OPCML: variants seen among roughly 807,000 people sequenced by gnomAD.
OPCML encodes the protein opioid-binding protein/cell adhesion molecule.
Under a neutral mutation model 37.8 loss-of-function variants are expected in OPCML, and 13 were observed. The observed-to-expected ratio is 0.34, with a 90% CI of 0.22 to 0.55. The LOEUF (loss-of-function observed/expected upper bound fraction) is 0.55. Among genes scored for constraint, OPCML ranks in the 20% least tolerant of loss-of-function variants. OPCML has a pLI of 0.91. For synonymous variants in OPCML, 176 were observed against 168.8 expected, an observed-to-expected ratio of 1.04 and a Z score of -0.33; for missense variants, 341 against 435.6, an observed-to-expected ratio of 0.78 and a Z score of 1.93.
At chr11:133,343,744 C>A (rs995708130) in intron 1 of OPCML, among the ~76,000 whole-genome samples, 5 of 152,194 alleles carry the variant, frequency 3.3e-5, no homozygotes, top group African/African-American at 1.2e-4. Context: ...AATTCAATCA[C>A]TTTACAAATG....
At chr11:133,197,626 A>C (rs1353015694) in intron 1 of OPCML, among the ~76,000 whole-genome samples, 1 of 152,090 alleles carries the variant, frequency 6.6e-6, no homozygotes, top group Non-Finnish European at 1.5e-5. Flanking sequence ...TGGTCATGGA[A>C]CTCTTCTCTC....
At chr11:133,013,260 T>C (rs1947256285) in intron 1 of OPCML, among the ~76,000 whole-genome samples, 1 of 152,234 alleles carries the variant, frequency 6.6e-6, no homozygotes, top group South Asian at 2.1e-4. Context: ...TTTTCTTTTT[T>C]TAACCTATGT....
intron 2 of OPCML, among the ~76,000 whole-genome samples, chr11:132,705,118 A>G (rs1943978844): frequency 6.6e-6 from 1 of 152,170 alleles, no homozygotes; most frequent in Non-Finnish European, 1.5e-5. Flanking sequence ...GGGGTGATAT[A>G]GTTTGGATAT....
chr11:133,406,129 A>G (rs1476937525), intron 1 of OPCML, among the ~76,000 whole-genome samples: 1 of 152,084 alleles, frequency 6.6e-6, no homozygotes. Flanking sequence ...TATTATTATG[A>G]TTATTGTTAT....
chr11:133,202,925 C>T (rs1010099336), intron 1 of OPCML, among the ~76,000 whole-genome samples: 1 of 152,184 alleles, frequency 6.6e-6, no homozygotes, highest in African/African-American at 2.4e-5. Context: ...TGATCCTGAC[C>T]CATAATTAAA....
chr11:132,722,002 C>T (rs1471155844), intron 2 of OPCML, among the ~76,000 whole-genome samples: 3 of 118,992 alleles, frequency 2.5e-5, no homozygotes, highest in Non-Finnish European at 4.8e-5. Context: ...GTTGCCCAGG[C>T]TGGAGTGCAG....
chr11:132,635,052 A>G (rs1409737199), intron 3 of OPCML, among the ~76,000 whole-genome samples: 1 of 152,182 alleles, frequency 6.6e-6, no homozygotes, highest in African/African-American at 2.4e-5. Flanking sequence ...TGGAAATCCA[A>G]TATCATTTTT....
At chr11:132,460,022 G>A (rs2096095697) in intron 4 of OPCML, among the ~76,000 whole-genome samples, 1 of 152,128 alleles carries the variant, frequency 6.6e-6, no homozygotes, top group Non-Finnish European at 1.5e-5. Context: ...TGCTGTTGTG[G>A]GGGTGGGATG....
At chr11:132,553,602 T>C (rs1030120110) in intron 3 of OPCML, among the ~76,000 whole-genome samples, 1 of 152,196 alleles carries the variant, frequency 6.6e-6, no homozygotes, top group Non-Finnish European at 1.5e-5. Context: ...ATATGGCTAA[T>C]TATAATCAGG....
chr11:132,477,939 A>G (rs2096162953), intron 4 of OPCML, among the ~76,000 whole-genome samples: 1 of 152,244 alleles, frequency 6.6e-6, no homozygotes, highest in Non-Finnish European at 1.5e-5. Context: ...ACTTTATCAA[A>G]TGTATGCATA....
chr11:132,733,969 G>T (rs941853511), intron 2 of OPCML, among the ~76,000 whole-genome samples: 50 of 152,246 alleles, frequency 3.3e-4, no homozygotes, highest in African/African-American at 1.2e-3. Context: ...TTCCAGTCTT[G>T]CCATGCCTAG....
At chr11:133,084,418 G>C (rs555488333) in intron 1 of OPCML, among the ~76,000 whole-genome samples, 12 of 152,244 alleles carry the variant, frequency 7.9e-5, no homozygotes, top group Non-Finnish European at 1.8e-4. Flanking sequence ...TTCCCAGAAA[G>C]AGGTGTTAAG....
chr11:133,185,722 T>C (rs533819920), intron 1 of OPCML, among the ~76,000 whole-genome samples: 2 of 152,332 alleles, frequency 1.3e-5, no homozygotes, highest in East Asian at 1.9e-4. Flanking sequence ...CCGCTCATCG[T>C]TGATCTGGTG....
At chr11:132,690,233 C>T (rs962442970) in intron 2 of OPCML, among the ~76,000 whole-genome samples, 1 of 152,166 alleles carries the variant, frequency 6.6e-6, no homozygotes. Flanking sequence ...CATCACCATG[C>T]CTGGCCAAGC....
chr11:133,490,605 C>T (rs145396734), intron 1 of OPCML, among the ~76,000 whole-genome samples: 13 of 152,282 alleles, frequency 8.5e-5, no homozygotes, highest in African/African-American at 3.1e-4. Flanking sequence ...CCGGGTCAGC[C>T]CAGGAGATAT....
At chr11:133,189,819 AAAAC>A (rs977101139) in intron 1 of OPCML, among the ~76,000 whole-genome samples, 2 of 152,218 alleles carry the variant, frequency 1.3e-5, no homozygotes, top group Non-Finnish European at 2.9e-5. Flanking sequence ...TAATTGAAAC[AAAAC>A]AAACAAACAA....
rs71905540 is a variant in OPCML at position 132,638,163 on chromosome 11, C to CTATATATATA, written c.379+18914_379+18923dup. Among the ~76,000 whole-genome samples, 209 of 128,220 alleles carry CTATATATATA rather than the reference C, an allele frequency of 1.6e-3. 1 individual carries two copies. The highest frequency in any genetic ancestry group is 0.012 in the Middle Eastern group (3 of 256). The allele number at this position is 128,220 out of a possible 152,430, so 84.1% of individuals were successfully genotyped here. On this transcript the variant is annotated intron_variant, in intron 3 of 7. Transcript: ENST00000524381. ...GAAAGCTAAAGAGCATATATACAGA[C>CTATATATATA]TATATATATATATATATATATATAC...
chr11:132,471,228 A>C (rs1479286354), intron 4 of OPCML, among the ~76,000 whole-genome samples: 2 of 152,170 alleles, frequency 1.3e-5, no homozygotes, highest in African/African-American at 4.8e-5. Flanking sequence ...AGGGGGTTTG[A>C]TGGCAGGTGA....
intron 1 of OPCML, among the ~76,000 whole-genome samples, chr11:133,345,902 A>G (rs1438644898): frequency 1.3e-5 from 2 of 152,176 alleles, no homozygotes; most frequent in East Asian, 3.8e-4. Flanking sequence ...CAATGAACAC[A>G]GGCACTCTAG....
Sources: gnomAD v4.1 joint callset for allele counts (sites outside exome capture counted in the v4.1 genomes callset) on GRCh38, gnomAD v4.1.1 for gene constraint, MANE v1.5 for transcripts, NCBI Gene and HGNC (gene_info 2026-07-23, HGNC 2026-07-21) for gene names.